Variants in FAXC observed in about 807,000 individuals in gnomAD.
The protein encoded by FAXC is failed axon connections homolog.
Under a neutral mutation model 41.9 loss-of-function variants are expected in FAXC, and 10 were observed. The ratio of observed to expected loss-of-function variants is 0.24; its 90% CI spans 0.15 to 0.41. FAXC has a LOEUF of 0.41. Ranked by LOEUF, FAXC falls within the 10% of genes least tolerant of loss-of-function variation. FAXC has a pLI of 1.00. For missense variants in FAXC, 399 were observed against 510.9 expected (o/e 0.78, Z 2.11); for synonymous variants, 183 against 183.8 (o/e 1.00, Z 0.03).
At chr6:99,330,498 T>G (rs1772992322) in intron 3 of FAXC, among the ~76,000 whole-genome samples, 1 of 152,234 alleles carries the variant, frequency 6.6e-6, no homozygotes, top group African/African-American at 2.4e-5. Context: ...GAAAAGCCAC[T>G]TTAGAGCTGA....
In FAXC at chr6:99,319,268, G is replaced by A. The variant is rs144074175; in HGVS notation, c.823+4176C>T. ...AAAAAAATTAGCCAGACATGGTGGC[G>A]GGCGCCTGTAGTCCCAGCTACTTAC... On this transcript the variant is annotated intron_variant, in intron 4 of 5. Coordinates refer to ENST00000389677, the MANE Select transcript of FAXC (RefSeq NM_032511.4). Among the ~76,000 whole-genome samples, 1,090 of 152,172 alleles carry A rather than the reference G, an allele frequency of 7.2e-3. 22 individuals are homozygous for A. The highest frequency in any genetic ancestry group is 0.024 in the African/African-American group (986 of 41,518).
At chr6:99,339,867 G>A (rs988682741) in intron 2 of FAXC, among the ~76,000 whole-genome samples, 2 of 151,564 alleles carry the variant, frequency 1.3e-5, no homozygotes, top group South Asian at 2.1e-4. Context: ...AGGAAGAAGA[G>A]GGAAAAGAAA....
At chr6:99,304,053 G>T (rs1276107264) in intron 4 of FAXC, among the ~76,000 whole-genome samples, 1 of 152,162 alleles carries the variant, frequency 6.6e-6, no homozygotes, top group African/African-American at 2.4e-5. Flanking sequence ...AGCTGAGGCG[G>T]GTGGATCACC....
chr6:99,277,667 T>G lies in FAXC; in HGVS notation c.*3497A>C, dbSNP rs1301891604. On this transcript the variant is annotated 3_prime_UTR_variant, in exon 6 of 6. Transcript: ENST00000389677. ...ATTCCAACCAGGGAATGGCTGGAGA[T>G]GTGCTGGTTGTCTGAACACAGGGTG... The G allele has an allele frequency of 3.9e-5, 6 of 152,228 alleles. No individual in the cohort carries two copies. Among genetic ancestry groups the G allele is most frequent in the African/African-American group, 1.4e-4 (6 of 41,448 alleles). The allele number at this position is 152,228 out of a possible 1,614,324, so 9.4% of individuals were successfully genotyped here. A position where few individuals can be genotyped will look rare whatever the true frequency, so the allele number is the denominator to read the frequency against.
intron 3 of FAXC, among the ~76,000 whole-genome samples, chr6:99,332,210 T>C (rs905319559): frequency 7.2e-5 from 11 of 152,084 alleles, no homozygotes; most frequent in African/African-American, 2.7e-4. Context: ...GAACAGCAAG[T>C]TCTCCATTTA....
intron 5 of FAXC, among the ~76,000 whole-genome samples, chr6:99,289,538 C>A (rs915188226): frequency 6.6e-6 from 1 of 151,954 alleles, no homozygotes; most frequent in Non-Finnish European, 1.5e-5. Context: ...CTCATGAAGT[C>A]CCAGCTACTC....
chr6:99,312,718 T>C (rs563587347), intron 4 of FAXC, among the ~76,000 whole-genome samples: 155 of 152,342 alleles, frequency 1.0e-3, no homozygotes, highest in South Asian at 7.7e-3. Flanking sequence ...TATTTTAGTA[T>C]TGAATTCTCC....
chr6:99,309,337 G>A (rs1438004753), intron 4 of FAXC, among the ~76,000 whole-genome samples: 1 of 152,078 alleles, frequency 6.6e-6, no homozygotes, highest in Non-Finnish European at 1.5e-5. Context: ...CAGAAATAGA[G>A]ACCAGATAGA....
intron 5 of FAXC, among the ~76,000 whole-genome samples, chr6:99,285,120 C>T (rs559219660): frequency 2.6e-5 from 4 of 151,710 alleles, no homozygotes; most frequent in Admixed American, 2.6e-4. Context: ...ATTGCTATAA[C>T]CTGTTTTGGA....
At chr6:99,286,163 C>T (rs2128447824) in intron 5 of FAXC, among the ~76,000 whole-genome samples, 1 of 152,334 alleles carries the variant, frequency 6.6e-6, no homozygotes, top group Admixed American at 6.5e-5. Flanking sequence ...TTGGTTGCTC[C>T]TTTTAGCATC....
In FAXC at chr6:99,341,539, AAAC is replaced by A. The variant is rs773214420; in HGVS notation, c.402+1356_402+1358del. On this transcript the variant is annotated intron_variant, in intron 2 of 5. Transcript: ENST00000389677. ...AATGGAGGATACATACTAGAAAAAT[AAAC>A]AAGAGTAAAAGATGTGAACTTTTAT... 1.4e-4 allele frequency among the ~76,000 whole-genome samples: 22 copies of A among 152,338 alleles called. No individual in the cohort carries two copies. The South Asian group carries it at 1.7e-3, about 11-fold the overall frequency.
chr6:99,289,563 G>A (rs1267299478), intron 5 of FAXC, among the ~76,000 whole-genome samples: 1 of 152,062 alleles, frequency 6.6e-6, no homozygotes, highest in Non-Finnish European at 1.5e-5. Flanking sequence ...GGTTGAGACA[G>A]GAGGATTACT....
intron 4 of FAXC, among the ~76,000 whole-genome samples, chr6:99,319,775 G>A (rs1033576422): frequency 1.1e-4 from 16 of 152,172 alleles, no homozygotes; most frequent in South Asian, 2.1e-4. Flanking sequence ...TGAATATTTC[G>A]TATAAATCAT....
rs1770722533 is a variant in FAXC at position 99,278,882 on chromosome 6, T to C, written c.*2282A>G. ...TCCAAGTAATATAAAATTAAAAACATATATTAATCTACATTCTCATAACTT... is the reference window on the plus strand; with the variant it reads ...TCCAAGTAATATAAAATTAAAAACACATATTAATCTACATTCTCATAACTT... On this transcript the variant is annotated 3_prime_UTR_variant, in exon 6 of 6. Coordinates refer to ENST00000389677, the MANE Select transcript of FAXC (RefSeq NM_032511.4). 6.6e-6 allele frequency: 1 copy of C among 152,228 alleles called. No homozygotes were observed. Among genetic ancestry groups the C allele is most frequent in the Non-Finnish European group, 1.5e-5 (1 of 68,040 alleles). 9.4% of individuals were successfully genotyped at this position (152,228 alleles called of 1,614,324 possible). A position where few individuals can be genotyped will look rare whatever the true frequency, so the allele number is the denominator to read the frequency against.
intron 4 of FAXC, among the ~76,000 whole-genome samples, chr6:99,319,361 T>C (rs1184270078): frequency 7.3e-6 from 1 of 137,794 alleles, no homozygotes; most frequent in Non-Finnish European, 1.5e-5. Context: ...ATTGCACCAC[T>C]GCACTCTAGC....
intron 4 of FAXC, among the ~76,000 whole-genome samples, chr6:99,318,263 ACACACACAC>A (rs1562171331): frequency 0.032 from 3,969 of 124,550 alleles, 250 homozygotes; most frequent in African/African-American, 0.085. Flanking sequence ...CGTCTCAAAC[ACACACACAC>A]ACACACACAC....
chr6:99,349,079 C>T, intron 1 of FAXC, 28 bp downstream of exon 1: 1 of 1,609,488 alleles, frequency 6.2e-7, no homozygotes. Flanking sequence ...TCTCTGCGCC[C>T]CTGTGCGGGG....
intron 4 of FAXC, among the ~76,000 whole-genome samples, chr6:99,312,496 G>A (rs535288328): frequency 1.2e-4 from 19 of 152,278 alleles, no homozygotes; most frequent in Non-Finnish European, 2.2e-4. Context: ...ACAAGTGGGT[G>A]TCTGAAGATA....
rs1773094529 is a variant in FAXC at position 99,333,265 on chromosome 6, C to G, written c.599+86G>C. On this transcript the variant is annotated intron_variant, in intron 3 of 5. Transcript: ENST00000389677. ...CCGAAACTGTTAAGGTAGAAAACTG[C>G]TGAAACGGTGGAAAGAGGATCTGAA... 3.4e-6 allele frequency: 4 copies of G among 1,183,120 alleles called. No individual in the cohort carries two copies. The African/African-American group carries it at 4.6e-5, about 14-fold the overall frequency. The allele number at this position is 1,183,120 out of a possible 1,614,324, so 73.3% of individuals were successfully genotyped here.
Sources: allele counts gnomAD v4.1 joint callset (sites outside exome capture counted in the v4.1 genomes callset), GRCh38; gene constraint gnomAD v4.1.1; transcripts MANE v1.5; gene names NCBI Gene and HGNC (gene_info 2026-07-23, HGNC 2026-07-21).